Variants in SLC38A4 observed in about 807,000 individuals in gnomAD.
The protein encoded by SLC38A4 is sodium-coupled neutral amino acid transporter 4.
In SLC38A4, 20 loss-of-function variants were observed where a neutral mutation model predicts 63.1. The ratio of observed to expected loss-of-function variants is 0.32; its 90% CI spans 0.22 to 0.46. SLC38A4 has a LOEUF of 0.46. Ranked by LOEUF, SLC38A4 falls within the 20% of genes least tolerant of loss-of-function variation. SLC38A4 has a pLI of 1.00. For missense variants in SLC38A4, 526 were observed against 663.6 expected, an observed-to-expected ratio of 0.79 and a Z score of 2.28; for synonymous variants, 230 against 225.5, an observed-to-expected ratio of 1.02 and a Z score of -0.18.
intron 1 of SLC38A4, among the ~76,000 whole-genome samples, chr12:46,823,335 G>T (rs1164743926): frequency 2.0e-5 from 3 of 152,180 alleles, no homozygotes; most frequent in Non-Finnish European, 4.4e-5. Flanking sequence ...AGCCTGCAAA[G>T]CAATGTGAGA....
At chr12:46,789,830 A>C (rs1272646951) in intron 3 of SLC38A4, among the ~76,000 whole-genome samples, 1 of 152,136 alleles carries the variant, frequency 6.6e-6, no homozygotes, top group Non-Finnish European at 1.5e-5. Flanking sequence ...TAATCCCAGC[A>C]CTTTGGGAGG....
intron 7 of SLC38A4, among the ~76,000 whole-genome samples, chr12:46,781,126 T>C (rs1029083721): frequency 2.0e-5 from 3 of 152,040 alleles, no homozygotes; most frequent in Non-Finnish European, 4.4e-5. Context: ...AAAAACCCTG[T>C]GAGATGACAA....
At chr12:46,804,959 A>G (rs1939202560) in intron 1 of SLC38A4, among the ~76,000 whole-genome samples, 1 of 152,034 alleles carries the variant, frequency 6.6e-6, no homozygotes, top group African/African-American at 2.4e-5. Flanking sequence ...TTGCAAAGTT[A>G]CCAGATAAAT....
intron 14 of SLC38A4, among the ~76,000 whole-genome samples, chr12:46,771,675 G>C (rs958794701): frequency 1.3e-5 from 2 of 152,124 alleles, no homozygotes; most frequent in Admixed American, 1.3e-4. Context: ...AAGAGGGAGG[G>C]AGGTACTAGG....
chr12:46,788,216 G>T (rs1232795532), intron 4 of SLC38A4, among the ~76,000 whole-genome samples, 185 bp from the exon 5 acceptor site: 1 of 152,136 alleles, frequency 6.6e-6, no homozygotes, highest in Non-Finnish European at 1.5e-5. Context: ...TGCAGTGCTT[G>T]GTTTCAGCAG....
intron 14 of SLC38A4, among the ~76,000 whole-genome samples, chr12:46,771,137 A>T (rs1390714844): frequency 6.6e-6 from 1 of 152,142 alleles, no homozygotes; most frequent in Non-Finnish European, 1.5e-5. Context: ...TCATTCTGAA[A>T]AGGAAACTGA....
Position 46,779,957 on chromosome 12 carries a change from T to G in SLC38A4, c.567A>C (p.Glu189Asp). The G allele has an allele frequency of 6.2e-7, 1 of 1,612,280 alleles. No individual in the cohort carries two copies. The highest frequency in any genetic ancestry group is 8.5e-7 in the Non-Finnish European group (1 of 1,178,806). ...GGGAGCATAAGACATACCCAGTATT[T>G]TCTTCAAGTCCCATGAATGCTCTGA... ...EVIRAFMGLE[E>D]NTGEWYLNGN... The change falls in exon 8 of 17, where the codon GAA becomes GAC. Residue 189 changes from glutamate to aspartate, a missense_variant. Physicochemically the swap from Glu to Asp is conservative, Grantham distance 45 (BLOSUM62 2). Coordinates refer to ENST00000266579, the MANE Select transcript of SLC38A4 (RefSeq NM_018018.5).
chr12:46,817,249 T>G (rs969012730), intron 1 of SLC38A4, among the ~76,000 whole-genome samples: 6 of 151,888 alleles, frequency 4.0e-5, no homozygotes, highest in African/African-American at 1.4e-4. Flanking sequence ...AACAGCAAAC[T>G]CATACGACTT....
rs115584443 is a variant in SLC38A4 at position 46,774,450 on chromosome 12, C to T, written c.1299+599G>A. On this transcript the variant is annotated intron_variant, in intron 14 of 16. Coordinates refer to ENST00000266579, the MANE Select transcript of SLC38A4 (RefSeq NM_018018.5). ...CTGGGATCTCAGAACAAACTGACAC[C>T]AATGACAAATGCCAGGGAGGGGTGA... Among the ~76,000 whole-genome samples, 469 of 152,124 alleles carry T rather than the reference C, an allele frequency of 3.1e-3. 3 individuals are homozygous for T. Among genetic ancestry groups the T allele is most frequent in the African/African-American group, 0.011 (446 of 41,524 alleles).
upstream of SLC38A4, among the ~76,000 whole-genome samples, chr12:46,830,542 A>C (rs17684703): frequency 0.17 from 25,105 of 152,122 alleles, 2,629 homozygotes; most frequent in Non-Finnish European, 0.23. Flanking sequence ...CAGAAGCAAA[A>C]AAGGATGGCT....
intron 1 of SLC38A4, among the ~76,000 whole-genome samples, chr12:46,807,417 G>A (rs1312586614): frequency 2.0e-5 from 3 of 151,892 alleles, no homozygotes; most frequent in African/African-American, 7.2e-5. Flanking sequence ...ATAGGTAAAT[G>A]TCTATCTGAC....
In SLC38A4 at chr12:46,769,364, A is replaced by G. The variant is rs776778314; in HGVS notation, c.1364T>C (p.Leu455Pro). The change falls in exon 15 of 17, where the codon CTG (leucine) becomes CCG (proline). Residue 455 changes from leucine to proline, a missense_variant. Physicochemically the swap from Leu to Pro is moderately conservative, Grantham distance 98 (BLOSUM62 -3). Coordinates refer to ENST00000266579, the MANE Select transcript of SLC38A4 (RefSeq NM_018018.5). ...AAGTGCAATAAGCACAGCTGCAATCAGGAAATGTCGTATCCAGCTGAAGGG... is the reference window on the plus strand; with the variant it reads ...AAGTGCAATAAGCACAGCTGCAATCGGGAAATGTCGTATCCAGCTGAAGGG... ...KRPFSWIRHF[L>P]IAAVLIALNN... 1 of 1,613,404 alleles carries G rather than the reference A, an allele frequency of 6.2e-7. No homozygotes were observed. The highest frequency in any genetic ancestry group is 8.5e-7 in the Non-Finnish European group (1 of 1,179,560).
chr12:46,777,466 T>C (rs1018028753), intron 12 of SLC38A4, among the ~76,000 whole-genome samples: 2 of 152,006 alleles, frequency 1.3e-5, no homozygotes, highest in African/African-American at 4.8e-5. Context: ...CAAAGATCAA[T>C]TGTCAGGCTT....
Position 46,793,024 on chromosome 12 carries a change from C to G in SLC38A4, c.48G>C (p.Glu16Asp). ...LRNVNIEPDD[E>D]SSSGESAPDS... The stretch of plus-strand genomic sequence containing the variant: ...CTGGAGCACTTTCTCCACTGCTGCT[C>G]TCATCATCTGGTTCGATGTTGACAT... The change falls in exon 3 of 17, where the codon GAG becomes GAC. Residue 16 changes from glutamate to aspartate, a missense_variant. By Grantham distance (45) the Glu-to-Asp change is conservative (BLOSUM62 2). Coordinates refer to ENST00000266579, the MANE Select transcript of SLC38A4 (RefSeq NM_018018.5). 6.2e-7 allele frequency: 1 copy of G among 1,613,316 alleles called. No homozygotes were observed. The highest frequency in any genetic ancestry group is 8.5e-7 in the Non-Finnish European group (1 of 1,179,456).
chr12:46,796,645 C>T (rs936827191), intron 2 of SLC38A4, among the ~76,000 whole-genome samples: 10 of 152,070 alleles, frequency 6.6e-5, no homozygotes, highest in Admixed American at 2.0e-4. Flanking sequence ...GCAGTTACTC[C>T]GGGGGTGAAG....
At chr12:46,784,430 T>C (rs1231396247) in intron 7 of SLC38A4, 112 bp downstream of exon 7, 2 of 653,328 alleles carry the variant, frequency 3.1e-6, no homozygotes, top group Non-Finnish European at 4.9e-6. Flanking sequence ...TTAAGAACTA[T>C]AAGTAGCAAT....
At chr12:46,805,463 A>G (rs1939211976) in intron 1 of SLC38A4, among the ~76,000 whole-genome samples, 1 of 152,050 alleles carries the variant, frequency 6.6e-6, no homozygotes, top group Non-Finnish European at 1.5e-5. Context: ...ACATTTTCAG[A>G]TGTGGCCAAA....
chr12:46,803,928 T>C (rs1939180949), intron 1 of SLC38A4, 134 bp from the exon 2 acceptor site: 1 of 152,092 alleles, frequency 6.6e-6, no homozygotes, highest in Non-Finnish European at 1.5e-5. Flanking sequence ...AAGTTTTAGC[T>C]TGGTTGGTGT....
intron 1 of SLC38A4, among the ~76,000 whole-genome samples, chr12:46,811,616 G>A (rs1454242690): frequency 1.3e-5 from 2 of 152,026 alleles, no homozygotes; most frequent in Non-Finnish European, 2.9e-5. Flanking sequence ...CAGCTCAGCA[G>A]TTCCACATAG....
Sources: gnomAD v4.1 joint callset for allele counts (sites outside exome capture counted in the v4.1 genomes callset) on GRCh38, gnomAD v4.1.1 for gene constraint, MANE v1.5 for transcripts, NCBI Gene and HGNC (gene_info 2026-07-23, HGNC 2026-07-21) for gene names.